GFOD1: variants seen among roughly 807,000 people sequenced by gnomAD.
The protein encoded by GFOD1 is glucose-fructose oxidoreductase domain-containing protein 1.
In GFOD1, 9 loss-of-function variants were observed where a neutral mutation model predicts 25.4. That is an observed-to-expected ratio of 0.35 (90% CI 0.21 to 0.62). The LOEUF is 0.62. Among genes scored for constraint, GFOD1 ranks in the 20% least tolerant of loss-of-function variants. The pLI is 0.72. For synonymous variants in GFOD1, 253 were observed against 245.6 expected, an observed-to-expected ratio of 1.03 and a Z score of -0.28; for missense variants, 403 against 556.9, an observed-to-expected ratio of 0.72 and a Z score of 2.78.
Position 13,357,960 on chromosome 6 carries a change from C to G in GFOD1, c.*6783G>C, listed in dbSNP as rs1237366224. On this transcript the variant is annotated 3_prime_UTR_variant, in exon 2 of 2. Transcript: ENST00000379287. The stretch of plus-strand genomic sequence containing the variant: ...GGCTGAGTGATGCTGACCGCTGGCT[C>G]CGAGCATCGAGCATCGCAGAGATCA... 2 of 152,296 alleles carry G rather than the reference C, an allele frequency of 1.3e-5. No individual in the cohort carries two copies. Among genetic ancestry groups the G allele is most frequent in the Non-Finnish European group, 2.9e-5 (2 of 68,058 alleles). The allele number at this position is 152,296 out of a possible 1,614,324, so 9.4% of individuals were successfully genotyped here. A position where few individuals can be genotyped will look rare whatever the true frequency, so the allele number is the denominator to read the frequency against.
chr6:13,446,443 A>T (rs976639172), intron 1 of GFOD1, among the ~76,000 whole-genome samples: 1 of 152,140 alleles, frequency 6.6e-6, no homozygotes, highest in African/African-American at 2.4e-5. Context: ...TCTAGGTTGG[A>T]GGTTGTTACA....
At chr6:13,394,357 C>A (rs1407708454) in intron 1 of GFOD1, among the ~76,000 whole-genome samples, 2 of 151,418 alleles carry the variant, frequency 1.3e-5, no homozygotes, top group African/African-American at 4.9e-5. Context: ...TAGAATATCT[C>A]TCGGAAGGAA....
At chr6:13,486,031 T>C (rs1297902291) in intron 1 of GFOD1, 2 of 985,844 alleles carry the variant, frequency 2.0e-6, no homozygotes, top group Non-Finnish European at 1.2e-6. Context: ...GACGAAATAA[T>C]TCCAGCCGAT....
At chr6:13,412,967 C>T (rs1008318450) in intron 1 of GFOD1, among the ~76,000 whole-genome samples, 1 of 152,208 alleles carries the variant, frequency 6.6e-6, no homozygotes, top group African/African-American at 2.4e-5. Context: ...TTCAGTCTTT[C>T]AAGTGGTCTC....
intron 1 of GFOD1, among the ~76,000 whole-genome samples, chr6:13,390,142 TTA>T (rs1453053347): frequency 1.4e-4 from 21 of 152,214 alleles, no homozygotes; most frequent in Non-Finnish European, 2.1e-4. Context: ...CCTGAGCCAG[TTA>T]TGACTTTCCG....
At chr6:13,426,171 A>G (rs1337915029) in intron 1 of GFOD1, among the ~76,000 whole-genome samples, 1 of 152,216 alleles carries the variant, frequency 6.6e-6, no homozygotes, top group African/African-American at 2.4e-5. Context: ...TAGTCAGGCT[A>G]TGATTCAGTC....
intron 1 of GFOD1, among the ~76,000 whole-genome samples, chr6:13,461,319 G>A (rs1045312155): frequency 3.3e-5 from 5 of 152,184 alleles, no homozygotes; most frequent in South Asian, 4.1e-4. Context: ...AGCCAGAGCT[G>A]CTAGGGAGAA....
rs1019712410 is a variant in GFOD1, at chr6:13,363,705, AC to A, written c.*1037del. On this transcript the variant is annotated 3_prime_UTR_variant, in exon 2 of 2. Coordinates refer to ENST00000379287, the MANE Select transcript of GFOD1 (RefSeq NM_018988.4). ...AGAGATGCGCGATAGAGCCCCAAACACCTCCTGGCTAGGCTCACTTTACCCT... is the reference window on the plus strand; with the variant it reads ...AGAGATGCGCGATAGAGCCCCAAACACTCCTGGCTAGGCTCACTTTACCCT... 12 of 150,082 alleles carry A rather than the reference AC, an allele frequency of 8.0e-5. No individual in the cohort carries two copies. Among genetic ancestry groups the A allele is most frequent in the African/African-American group, 2.9e-4 (12 of 40,860 alleles). The allele number at this position is 150,082 out of a possible 1,614,324, so 9.3% of individuals were successfully genotyped here.
rs140854400 is a variant in GFOD1 at position 13,485,207 on chromosome 6, C to A, written c.253+1431G>T. Reference sequence around the variant, plus strand: ...ATTCTATCAGATGTTGCATCTGAGTCAATAGCCAAATGGCCTGATGAAAAT... The same window carrying A: ...ATTCTATCAGATGTTGCATCTGAGTAAATAGCCAAATGGCCTGATGAAAAT... On this transcript the variant is annotated intron_variant, in intron 1 of 1. Coordinates refer to ENST00000379287, the MANE Select transcript of GFOD1 (RefSeq NM_018988.4). 4.3e-3 allele frequency among the ~76,000 whole-genome samples: 650 copies of A among 152,306 alleles called. 4 individuals are homozygous for A. The highest frequency in any genetic ancestry group is 0.015 in the African/African-American group (633 of 41,556).
At chr6:13,398,115 C>T (rs570824528) in intron 1 of GFOD1, among the ~76,000 whole-genome samples, 24 of 152,290 alleles carry the variant, frequency 1.6e-4, no homozygotes, top group African/African-American at 2.6e-4. Context: ...TGTACTATAC[C>T]GTATATTATG....
At chr6:13,373,576 C>G (rs1345212582) in intron 1 of GFOD1, among the ~76,000 whole-genome samples, 1 of 152,088 alleles carries the variant, frequency 6.6e-6, no homozygotes, top group Non-Finnish European at 1.5e-5. Context: ...TTCAACAGAA[C>G]TAAGCATATG....
At chr6:13,452,703 A>G (rs1376816077) in intron 1 of GFOD1, among the ~76,000 whole-genome samples, 2 of 152,246 alleles carry the variant, frequency 1.3e-5, no homozygotes, top group East Asian at 3.8e-4. Flanking sequence ...TAAGCAAAGC[A>G]GGCCTAACAT....
chr6:13,412,552 G>T (rs143096453), intron 1 of GFOD1, among the ~76,000 whole-genome samples: 1 of 152,204 alleles, frequency 6.6e-6, no homozygotes, highest in Non-Finnish European at 1.5e-5. Context: ...TGGAAGCAGA[G>T]CCAACATCAC....
At chr6:13,414,655 T>G (rs1387003192) in intron 1 of GFOD1, among the ~76,000 whole-genome samples, 1 of 152,274 alleles carries the variant, frequency 6.6e-6, no homozygotes, top group East Asian at 1.9e-4. Flanking sequence ...ATAGGCATGT[T>G]GGGAAAAATG....
chr6:13,381,927 A>G (rs1397142056), intron 1 of GFOD1, among the ~76,000 whole-genome samples: 7 of 143,102 alleles, frequency 4.9e-5, no homozygotes, highest in African/African-American at 2.1e-4. Context: ...ACACACACAC[A>G]CACACACACA....
At chr6:13,469,597 T>G in intron 1 of GFOD1, 1 of 1,068,436 alleles carries the variant, frequency 9.4e-7, no homozygotes, top group Non-Finnish European at 1.1e-6. Flanking sequence ...CTGATTCCAC[T>G]TGTTCTTAGC....
intron 1 of GFOD1, among the ~76,000 whole-genome samples, chr6:13,427,837 C>T (rs539276212): frequency 6.6e-6 from 1 of 152,300 alleles, no homozygotes; most frequent in East Asian, 1.9e-4. Flanking sequence ...TGACAGGCAC[C>T]TTTCCAGCCT....
intron 1 of GFOD1, among the ~76,000 whole-genome samples, chr6:13,434,423 A>G (rs1197556989): frequency 7.2e-6 from 1 of 139,586 alleles, no homozygotes; most frequent in Non-Finnish European, 1.6e-5. Flanking sequence ...AGCATTATGG[A>G]AGCACAGAAG....
chr6:13,441,232 A>T (rs143409906), intron 1 of GFOD1, among the ~76,000 whole-genome samples: 1 of 152,292 alleles, frequency 6.6e-6, no homozygotes, highest in African/African-American at 2.4e-5. Context: ...TCCACCCTGG[A>T]CATCTGCCCT....
Sources: allele counts gnomAD v4.1 joint callset (sites outside exome capture counted in the v4.1 genomes callset), GRCh38; gene constraint gnomAD v4.1.1; transcripts MANE v1.5; gene names NCBI Gene and HGNC (gene_info 2026-07-23, HGNC 2026-07-21).